Variants in NINJ2 observed in about 807,000 individuals in gnomAD.
NINJ2 encodes ninjurin-2.
Under a neutral mutation model 11.7 loss-of-function variants are expected in NINJ2, and 12 were observed. That is an observed-to-expected ratio of 1.02 (90% CI 0.66 to 1.66). NINJ2 has a LOEUF of 1.66. Ranked by LOEUF, NINJ2 falls within the 40% of genes most tolerant of loss-of-function variation. The pLI is 0.00. For synonymous variants in NINJ2, 93 were observed against 76.8 expected, an observed-to-expected ratio of 1.21 and a Z score of -1.10; for missense variants, 187 against 181.8, an observed-to-expected ratio of 1.03 and a Z score of -0.16.
At position 580,594 on chromosome 12, in the gene NINJ2, AAAAAAT is replaced by A. The variant is rs1297447637; in HGVS notation, c.34-14422_34-14417del. 9.2e-5 allele frequency among the ~76,000 whole-genome samples: 7 copies of A among 76,212 alleles called. No homozygotes were observed. The highest frequency in any genetic ancestry group is 1.9e-4 in the Non-Finnish European group (7 of 36,108). The allele number at this position is 76,212 out of a possible 152,430, so 50.0% of individuals were successfully genotyped here. Reference sequence around the variant, plus strand: ...AGAGAGAGACCCTGTCTCAAAAAAAAAAAAATATATATATATATATATCCATTTGTC... The same window carrying A: ...AGAGAGAGACCCTGTCTCAAAAAAAAATATATATATATATATCCATTTGTC... On this transcript the variant is annotated intron_variant, in intron 1 of 3. Transcript: ENST00000305108. The surrounding 1 kb of genome is among the most constrained non-coding windows in gnomAD (Gnocchi z 4.7).
rs193153433 is a variant in NINJ2 at position 585,470 on chromosome 12, T to C, written c.34-19292A>G. Among the ~76,000 whole-genome samples, 27 of 149,656 alleles carry C rather than the reference T, an allele frequency of 1.8e-4. 2 individuals are homozygous for C. The highest frequency in any genetic ancestry group is 6.8e-3 in the Middle Eastern group (2 of 294). ...CCTATCCTCATCAGGCAGGCAACGG[T>C]TGGAGGAAGGGAACGGTTGGAGGGA... On this transcript the variant is annotated intron_variant, in intron 1 of 3. Transcript: ENST00000305108. This position sits in a 1 kb window ranked among gnomAD's most constrained non-coding sequence, Gnocchi z 4.1.
intron 1 of NINJ2, among the ~76,000 whole-genome samples, chr12:651,623 A>G (rs1252109709): frequency 2.0e-5 from 3 of 152,236 alleles, no homozygotes; most frequent in Non-Finnish European, 2.9e-5. Flanking sequence ...AGAACTAGAC[A>G]TGGCAGGGAT....
chr12:567,698 T>A (rs925430340), intron 1 of NINJ2, among the ~76,000 whole-genome samples: 3 of 152,208 alleles, frequency 2.0e-5, no homozygotes, highest in African/African-American at 7.2e-5. Flanking sequence ...TTGGATTCTA[T>A]GAGCCCTTAG....
At chr12:655,433 G>A (rs1937859950) in intron 1 of NINJ2, among the ~76,000 whole-genome samples, 1 of 152,188 alleles carries the variant, frequency 6.6e-6, no homozygotes. Context: ...AGGATACAAG[G>A]TTAATACATA....
At position 635,803 on chromosome 12, in the gene NINJ2, G is replaced by A. The variant is rs995275125; in HGVS notation, c.33+27525C>T. ...AAAAGAGTGAAAAGGGGCCGGGCGC[G>A]GCGGTTCACGCCTGTAATCCCAGCA... is the stretch of plus-strand genomic sequence containing the variant. On this transcript the variant is annotated intron_variant, in intron 1 of 3. Coordinates refer to ENST00000305108, the MANE Select transcript of NINJ2 (RefSeq NM_016533.6). Among the ~76,000 whole-genome samples, 7 of 152,376 alleles carry A rather than the reference G, an allele frequency of 4.6e-5. No individual in the cohort carries two copies. In the South Asian group the frequency reaches 6.2e-4, roughly 14 times the overall value.
At position 628,685 on chromosome 12, in the gene NINJ2, C is replaced by T. The variant is rs2120415460; in HGVS notation, c.33+34643G>A. On this transcript the variant is annotated intron_variant, in intron 1 of 3. Coordinates refer to ENST00000305108, the MANE Select transcript of NINJ2 (RefSeq NM_016533.6). This position sits in a 1 kb window ranked among gnomAD's most constrained non-coding sequence, Gnocchi z 4.4. ...GGAGGTCAGCACAAGACACAGGTCA[C>T]AAAGGCCCTGCTGATAAAGCAGGAT... Among the ~76,000 whole-genome samples the T allele has an allele frequency of 6.6e-6, 1 of 152,204 alleles. No homozygotes were observed. The highest frequency in any genetic ancestry group is 2.1e-4 in the South Asian group (1 of 4,830).
intron 1 of NINJ2, among the ~76,000 whole-genome samples, chr12:578,403 C>A (rs1292122352): frequency 6.6e-6 from 1 of 152,166 alleles, no homozygotes; most frequent in Admixed American, 6.5e-5. Context: ...ACTGTAGCTT[C>A]AAACTCCTGG....
intron 1 of NINJ2, among the ~76,000 whole-genome samples, chr12:655,638 C>T (rs1040929972): frequency 4.6e-5 from 7 of 152,146 alleles, no homozygotes; most frequent in Admixed American, 1.3e-4. Context: ...AGGGGACAAG[C>T]GCGGTGGCTC....
chr12:588,832 C>T (rs115469401), intron 1 of NINJ2, among the ~76,000 whole-genome samples: 38 of 152,332 alleles, frequency 2.5e-4, no homozygotes, highest in African/African-American at 9.1e-4. Flanking sequence ...TGATAGCCTA[C>T]ATGATTGGCG....
chr12:639,452 G>A (rs997648259), intron 1 of NINJ2, among the ~76,000 whole-genome samples: 5 of 151,164 alleles, frequency 3.3e-5, no homozygotes, highest in African/African-American at 9.7e-5. Context: ...TCAGGAGCCT[G>A]TGTCCTTAAC....
intron 2 of NINJ2, 47 bp from the exon 3 acceptor site, chr12:565,448 G>T: frequency 6.3e-7 from 1 of 1,579,194 alleles, no homozygotes; most frequent in Non-Finnish European, 8.6e-7. Flanking sequence ...CGGGGCCACA[G>T]CACGGAGCTG....
intron 1 of NINJ2, among the ~76,000 whole-genome samples, chr12:596,729 C>G (rs774475905): frequency 1.3e-5 from 2 of 152,012 alleles, no homozygotes; most frequent in Non-Finnish European, 2.9e-5. Context: ...TGGAGACCAG[C>G]CTGGGGGACA....
chr12:604,513 C>T (rs1177022343), intron 1 of NINJ2, among the ~76,000 whole-genome samples: 1 of 152,164 alleles, frequency 6.6e-6, no homozygotes, highest in Non-Finnish European at 1.5e-5. Context: ...TGGTGGGCAC[C>T]TGTAATCCCA....
intron 1 of NINJ2, among the ~76,000 whole-genome samples, chr12:590,248 G>A (rs373432974): frequency 1.3e-5 from 2 of 152,176 alleles, no homozygotes; most frequent in South Asian, 2.1e-4. Context: ...GAAGCGGCTC[G>A]AAGGATGGGC....
At chr12:586,615 AG>A (rs1244092926) in intron 1 of NINJ2, 9 of 152,374 alleles carry the variant, frequency 5.9e-5, no homozygotes, top group African/African-American at 2.2e-4. Context: ...ATCCGCCCAC[AG>A]GGCATGCGTT....
At chr12:641,890 C>T (rs989840648) in intron 1 of NINJ2, among the ~76,000 whole-genome samples, 3 of 150,894 alleles carry the variant, frequency 2.0e-5, no homozygotes, top group Non-Finnish European at 4.4e-5. Context: ...TCTCTTCTAA[C>T]ACTGCCCTGG....
chr12:591,914 G>A lies in NINJ2; in HGVS notation c.34-25736C>T, dbSNP rs1318694681. On this transcript the variant is annotated intron_variant, in intron 1 of 3. Transcript: ENST00000305108. This position sits in a 1 kb window ranked among gnomAD's most constrained non-coding sequence, Gnocchi z 5.0. ...ACTAGTCAATTTTGAGCAAACAGAG[G>A]CCCCCAGGCGTTTTTCCCGGGTCAC... Among the ~76,000 whole-genome samples the A allele has an allele frequency of 1.3e-5, 2 of 152,096 alleles. No individual in the cohort carries two copies. The highest frequency in any genetic ancestry group is 1.3e-4 in the Admixed American group (2 of 15,258).
intron 1 of NINJ2, among the ~76,000 whole-genome samples, chr12:568,957 A>C (rs575267423): frequency 7.6e-6 from 1 of 132,238 alleles, no homozygotes; most frequent in African/African-American, 2.9e-5. Flanking sequence ...TTTGACAGCC[A>C]CCAAAATCAG....
chr12:583,498 C>G lies in NINJ2; in HGVS notation c.34-17320G>C, dbSNP rs1359863008. Among the ~76,000 whole-genome samples the G allele has an allele frequency of 3.3e-5, 5 of 152,264 alleles. No homozygotes were observed. In the East Asian group the frequency reaches 9.6e-4, roughly 29 times the overall value. Reference sequence around the variant, plus strand: ...GCACCTGCCGCCTCTGGGCCTCCCGCCTGACAGCTGACCCCTGTCATCGCT... The same window carrying G: ...GCACCTGCCGCCTCTGGGCCTCCCGGCTGACAGCTGACCCCTGTCATCGCT... On this transcript the variant is annotated intron_variant, in intron 1 of 3. Transcript: ENST00000305108.
Sources: allele counts gnomAD v4.1 joint callset (sites outside exome capture counted in the v4.1 genomes callset), GRCh38; gene constraint gnomAD v4.1.1; non-coding constraint Gnocchi (gnomAD v3.1); transcripts MANE v1.5; gene names NCBI Gene and HGNC (gene_info 2026-07-23, HGNC 2026-07-21).